The following CLIP1 variants were observed in gnomAD, a reference collection of about 807,000 sequenced individuals.
CLIP1 encodes the protein CAP-Gly domain-containing linker protein 1.
CLIP1 carries 66 observed loss-of-function variants against 161.6 expected under a neutral mutation model. The ratio of observed to expected loss-of-function variants is 0.41; its 90% confidence interval spans 0.33 to 0.50. CLIP1 has a LOEUF of 0.50. CLIP1 is among the 20% of genes least tolerant of loss of function. The pLI, the probability that CLIP1 is intolerant of heterozygous loss-of-function variation, is 0.27. For missense variants in CLIP1, 1,376 were observed against 1,702.0 expected (o/e 0.81, Z 3.37); for synonymous variants, 598 against 626.2 (o/e 0.96, Z 0.67).
intron 19 of CLIP1, 106 bp downstream of exon 19, chr12:122,316,643 G>A (rs540745321): frequency 3.8e-5 from 27 of 718,302 alleles, no homozygotes; most frequent in Middle Eastern, 4.0e-4. Flanking sequence ...GTCTGCATAC[G>A]TTTACTTTAT....
rs542476614 is a variant in CLIP1 at position 122,357,069 on chromosome 12, G to A, written c.1006-1757C>T. Among the ~76,000 whole-genome samples, 72 of 152,362 alleles carry A rather than the reference G, an allele frequency of 4.7e-4. 1 individual carries two copies. The highest frequency in any genetic ancestry group is 2.5e-3 in the Admixed American group (39 of 15,300). On this transcript the variant is annotated intron_variant, in intron 5 of 25. Coordinates refer to ENST00000620786, the MANE Select transcript of CLIP1 (RefSeq NM_001247997.2). ...TCTGCCCAGCCGCCACCCCGTCTGG[G>A]AAGTGAGGAGCCCCTCTGCCTGGCT...
rs1267149354 is a variant in CLIP1 at position 122,311,113 on chromosome 12, TGTATATAC to T, written c.3474-1239_3474-1232del. Among the ~76,000 whole-genome samples, 1 of 152,178 alleles carries T rather than the reference TGTATATAC, an allele frequency of 6.6e-6. No individual in the cohort carries two copies. The highest frequency in any genetic ancestry group is 1.5e-5 in the Non-Finnish European group (1 of 68,030). On this transcript the variant is annotated intron_variant, in intron 19 of 25. Coordinates refer to ENST00000620786, the MANE Select transcript of CLIP1 (RefSeq NM_001247997.2). This position sits in a 1 kb window ranked among gnomAD's most constrained non-coding sequence, Gnocchi z 4.3. The stretch of plus-strand genomic sequence containing the variant: ...GAATCTCTCTCTATATATGTATATA[TGTATATAC>T]ATGCACATACACACATATCACAGTG...
intron 1 of CLIP1, among the ~76,000 whole-genome samples, chr12:122,384,820 T>TC (rs1270681382): frequency 1.3e-5 from 2 of 151,266 alleles, no homozygotes; most frequent in African/African-American, 2.4e-5. Context: ...TTTTTTTTTT[T>TC]CTCTTCTAAC....
chr12:122,293,522 A>G (rs2136337159), intron 20 of CLIP1, among the ~76,000 whole-genome samples: 2 of 151,696 alleles, frequency 1.3e-5, no homozygotes, highest in Admixed American at 1.3e-4. Context: ...CTTGTTGCCC[A>G]CGCTGGATTG....
Position 122,341,688 on chromosome 12 carries a change from C to T in CLIP1, c.1516G>A (p.Val506Ile), listed in dbSNP as rs146882649. The T allele has an allele frequency of 2.0e-5, 30 of 1,532,078 alleles. No individual in the cohort carries two copies. The East Asian group carries it at 3.9e-4, about 20-fold the overall frequency. 94.9% of individuals were successfully genotyped at this position (1,532,078 alleles called of 1,614,324 possible). Residue 506 changes from valine (V) to isoleucine (I), a missense_variant, in exon 11 of 26, where the codon GTT becomes ATT. Around this residue, in one of 6 missense-constraint regions of CLIP1, gnomAD observed 948 missense variants for 1,134.8 expected, o/e 0.84. Coordinates refer to ENST00000620786, the MANE Select transcript of CLIP1 (RefSeq NM_001247997.2). ...RELEDTRVAT[V>I]SEKSRIMELE... The stretch of plus-strand genomic sequence containing the variant: ...TCCATTATACGTGACTTTTCTGAAA[C>T]TGTAGCCACCTATTAACAGCAGTCC...
At position 122,386,414 on chromosome 12, in the gene CLIP1, T is replaced by C. The variant is rs571152814; in HGVS notation, c.-106-5856A>G. ...TATGAAGAAAACGTCTATTGACTAA[T>C]GGGAAAAGGTTCTCTTGAAAAGAGA... On this transcript the variant is annotated intron_variant, in intron 1 of 25. Transcript: ENST00000620786. 3.7e-4 allele frequency among the ~76,000 whole-genome samples: 57 copies of C among 152,324 alleles called. No individual in the cohort carries two copies. In the Middle Eastern group the frequency reaches 0.01, roughly 27 times the overall value.
At chr12:122,342,773 G>A (rs1176333112) in intron 10 of CLIP1, 4 of 149,792 alleles carry the variant, frequency 2.7e-5, no homozygotes, top group Non-Finnish European at 4.4e-5. Context: ...AGGCTATAGT[G>A]AGTAATTGTG....
intron 1 of CLIP1, among the ~76,000 whole-genome samples, chr12:122,393,576 G>A (rs1340955329): frequency 6.6e-6 from 1 of 152,130 alleles, no homozygotes; most frequent in African/African-American, 2.4e-5. Flanking sequence ...TACACCTAGT[G>A]GACCCATAAA....
intron 20 of CLIP1, among the ~76,000 whole-genome samples, chr12:122,292,863 C>T (rs755943933): frequency 5.3e-5 from 8 of 151,636 alleles, no homozygotes; most frequent in Non-Finnish European, 1.2e-4. Flanking sequence ...ATTAGCCGGG[C>T]GCGGTGGTGG....
chr12:122,408,669 T>C (rs1183942180), intron 1 of CLIP1, among the ~76,000 whole-genome samples: 2 of 151,844 alleles, frequency 1.3e-5, no homozygotes, highest in Non-Finnish European at 2.9e-5. Context: ...TAAGAGACTA[T>C]GTTGCCCAGG....
chr12:122,307,129 A>C (rs543174376), intron 20 of CLIP1, among the ~76,000 whole-genome samples: 1 of 146,904 alleles, frequency 6.8e-6, no homozygotes, highest in Non-Finnish European at 1.5e-5. Flanking sequence ...CTCCCTCAGT[A>C]TCCCGAGTAG....
chr12:122,367,052 T>C (rs1160576288), intron 3 of CLIP1, among the ~76,000 whole-genome samples: 1 of 152,166 alleles, frequency 6.6e-6, no homozygotes, highest in Admixed American at 6.5e-5. Context: ...AGCACATTAG[T>C]TAAAGATGAT....
intron 14 of CLIP1, 134 bp from the exon 15 acceptor site, chr12:122,333,277 G>T: frequency 1.5e-6 from 1 of 660,502 alleles, no homozygotes; most frequent in Non-Finnish European, 2.5e-6. Context: ...AGTGAAGAAG[G>T]CACACAATAA....
chr12:122,351,099 G>A lies in CLIP1; in HGVS notation c.1401+12C>T, dbSNP rs777923362. On this transcript the variant is annotated intron_variant, in intron 9 of 25. Coordinates refer to ENST00000620786, the MANE Select transcript of CLIP1 (RefSeq NM_001247997.2). Reference sequence around the variant, plus strand: ...ACAAGGGAAATATCCACACAGTTAAGTGCCCTCTTACATTCTCAGGATCTT... The same window carrying A: ...ACAAGGGAAATATCCACACAGTTAAATGCCCTCTTACATTCTCAGGATCTT... 8 of 1,540,734 alleles carry A rather than the reference G, an allele frequency of 5.2e-6. No individual in the cohort carries two copies. The highest frequency in any genetic ancestry group is 6.1e-6 in the Non-Finnish European group (7 of 1,147,128).
Position 122,279,354 on chromosome 12 carries a change from T to G in CLIP1, c.3648-209A>C. ...AGGGGAGAAAAAGTTTACCTATGCA[T>G]AGACATGCCAGAGTCTGCATGTGAT... is the stretch of plus-strand genomic sequence containing the variant. On this transcript the variant is annotated intron_variant, in intron 21 of 25. Transcript: ENST00000620786. This position sits in a 1 kb window ranked among gnomAD's most constrained non-coding sequence, Gnocchi z 4.5. The G allele has an allele frequency of 3.0e-6, 1 of 334,254 alleles. No individual in the cohort carries two copies. The highest frequency in any genetic ancestry group is 5.4e-6 in the Non-Finnish European group (1 of 185,920). The allele number at this position is 334,254 out of a possible 1,614,324, so 20.7% of individuals were successfully genotyped here.
At chr12:122,292,167 AT>A (rs1303619189) in intron 20 of CLIP1, among the ~76,000 whole-genome samples, 720 of 137,704 alleles carry the variant, frequency 5.2e-3, no homozygotes, top group Admixed American at 5.4e-3. Flanking sequence ...AATTTTTTGT[AT>A]TTTTTTTTTT....
At chr12:122,396,887 C>T (rs528117463) in intron 1 of CLIP1, among the ~76,000 whole-genome samples, 10 of 151,468 alleles carry the variant, frequency 6.6e-5, no homozygotes, top group Non-Finnish European at 1.5e-4. Flanking sequence ...CCACCTCAGC[C>T]TCCCAAGTAG....
At position 122,272,200 on chromosome 12, in the gene CLIP1, T is replaced by C. The variant is rs1555252550; in HGVS notation, c.*675A>G. On this transcript the variant is annotated 3_prime_UTR_variant, in exon 26 of 26. Transcript: ENST00000620786. ...TATAGAAGCTGAAATTATGCAAAAC[T>C]AATAAACAAAACACCACAGTAGATT... 3 of 152,570 alleles carry C rather than the reference T, an allele frequency of 2.0e-5. No homozygotes were observed. Among genetic ancestry groups the C allele is most frequent in the Admixed American group, 6.5e-5 (1 of 15,268 alleles). 9.5% of individuals were successfully genotyped at this position (152,570 alleles called of 1,614,324 possible). A position where few individuals can be genotyped will look rare whatever the true frequency, so the allele number is the denominator to read the frequency against.
intron 21 of CLIP1, among the ~76,000 whole-genome samples, chr12:122,286,520 T>TTA (rs1955859477): frequency 3.5e-5 from 1 of 28,246 alleles, no homozygotes; most frequent in African/African-American, 1.1e-4. Context: ...GACTCTGTCT[T>TTA]AAAAAAAAAA....
Sources: gnomAD v4.1 joint callset for allele counts (sites outside exome capture counted in the v4.1 genomes callset) on GRCh38, gnomAD v4.1.1 for gene constraint, gnomAD v4.1.1 regional missense constraint, Gnocchi (gnomAD v3.1) non-coding constraint, MANE v1.5 for transcripts, NCBI Gene and HGNC (gene_info 2026-07-23, HGNC 2026-07-21) for gene names.